The following NTRK3 variants were observed in gnomAD, a reference collection of about 807,000 sequenced individuals.
NTRK3 encodes neurotrophic receptor tyrosine kinase 3, also known as NT-3 growth factor receptor.
NTRK3 carries 24 observed loss-of-function variants against 91.7 expected under a neutral mutation model. That is an observed-to-expected ratio of 0.26 (90% CI 0.19 to 0.37). The LOEUF (loss-of-function observed/expected upper bound fraction) is 0.37, where lower values mean the gene tolerates loss of function less well. Among genes scored for constraint, NTRK3 ranks in the 10% least tolerant of loss-of-function variants. The pLI, the probability that NTRK3 is intolerant of heterozygous loss-of-function variation, is 1.00. For synonymous variants in NTRK3, 483 were observed against 404.0 expected, an observed-to-expected ratio of 1.20 and a Z score of -2.34; for missense variants, 880 against 1,068.9, an observed-to-expected ratio of 0.82 and a Z score of 2.46.
chr15:87,975,426 T>A (rs544598787), intron 14 of NTRK3, among the ~76,000 whole-genome samples: 7 of 152,144 alleles, frequency 4.6e-5, no homozygotes, highest in African/African-American at 1.7e-4. Context: ...TGCAGCAAAA[T>A]CCCGCAGGAT....
At chr15:88,192,844 G>C (rs1040466660) in intron 3 of NTRK3, among the ~76,000 whole-genome samples, 4 of 152,076 alleles carry the variant, frequency 2.6e-5, no homozygotes, top group African/African-American at 9.7e-5. Flanking sequence ...GGAGAAGCCT[G>C]CCCTGACCCC....
At chr15:88,246,358 G>T (rs767167296) in intron 3 of NTRK3, among the ~76,000 whole-genome samples, 1 of 152,178 alleles carries the variant, frequency 6.6e-6, no homozygotes, top group Admixed American at 6.5e-5. Context: ...AAGAGAAGGC[G>T]CCAAGCTCTC....
intron 13 of NTRK3, among the ~76,000 whole-genome samples, chr15:88,090,762 C>A (rs887343483): frequency 4.6e-5 from 7 of 152,178 alleles, no homozygotes; most frequent in Non-Finnish European, 1.0e-4. Flanking sequence ...CTTAATCTCA[C>A]CATATCCTTC....
chr15:87,983,812 A>C (rs561100476), intron 14 of NTRK3, among the ~76,000 whole-genome samples: 26 of 152,180 alleles, frequency 1.7e-4, no homozygotes, highest in African/African-American at 4.6e-4. Flanking sequence ...CAGGGCTCTC[A>C]CTCTGGCCAC....
At chr15:87,997,597 T>C (rs2075798258) in intron 14 of NTRK3, among the ~76,000 whole-genome samples, 1 of 152,210 alleles carries the variant, frequency 6.6e-6, no homozygotes, top group Non-Finnish European at 1.5e-5. Flanking sequence ...GCAGATCATA[T>C]ACTCTTATTC....
At chr15:88,094,475 CAAAAAAAAA>C (rs10610101) in intron 13 of NTRK3, among the ~76,000 whole-genome samples, 29 of 30,328 alleles carry the variant, frequency 9.6e-4, no homozygotes, top group African/African-American at 2.0e-3. Flanking sequence ...GACTCCGTCT[CAAAAAAAAA>C]AAAAAAAAAA....
chr15:87,979,939 G>A (rs554217944), intron 14 of NTRK3, among the ~76,000 whole-genome samples: 3 of 152,240 alleles, frequency 2.0e-5, no homozygotes, highest in Admixed American at 6.5e-5. Context: ...TCTAATTCTA[G>A]GAGCTAAAAT....
intron 13 of NTRK3, among the ~76,000 whole-genome samples, chr15:88,057,033 G>T (rs1486681370): frequency 6.6e-6 from 1 of 151,586 alleles, no homozygotes; most frequent in African/African-American, 2.4e-5. Context: ...GCCGGGCATG[G>T]TGGCGCGCGC....
intron 14 of NTRK3, among the ~76,000 whole-genome samples, chr15:88,002,450 A>G (rs2076178969): frequency 6.6e-6 from 1 of 152,096 alleles, no homozygotes; most frequent in Non-Finnish European, 1.5e-5. Flanking sequence ...TAAGATTGCT[A>G]GGAACTACAG....
intron 17 of NTRK3, among the ~76,000 whole-genome samples, chr15:87,887,867 C>G (rs1435666847): frequency 3.3e-5 from 5 of 152,164 alleles, no homozygotes; most frequent in Non-Finnish European, 7.3e-5. Context: ...ATAGAAGCCT[C>G]TATCATCCCC....
rs140416223 is a variant in NTRK3 at position 88,237,825 on chromosome 15, C to A, written c.248+18081G>T. Among the ~76,000 whole-genome samples the A allele has an allele frequency of 5.1e-3, 773 of 152,218 alleles. 8 individuals carry two copies. Among genetic ancestry groups the A allele is most frequent in the African/African-American group, 0.018 (733 of 41,540 alleles). On this transcript the variant is annotated intron_variant, in intron 3 of 18. Transcript: ENST00000394480. This position sits in a 1 kb window ranked among gnomAD's most constrained non-coding sequence, Gnocchi z 4.0. ...CCACAGAATTCTGCACTCAGAAAAT[C>A]TAAAAATGGTGCTTTAAATTTCATC...
chr15:88,154,020 A>G (rs1389794114), intron 5 of NTRK3, among the ~76,000 whole-genome samples: 1 of 151,912 alleles, frequency 6.6e-6, no homozygotes, highest in East Asian at 1.9e-4. Flanking sequence ...AGAATCTGCA[A>G]GAAAAGAGTG....
At chr15:88,085,623 A>T (rs2048430706) in intron 13 of NTRK3, among the ~76,000 whole-genome samples, 1 of 152,140 alleles carries the variant, frequency 6.6e-6, no homozygotes, top group Admixed American at 6.5e-5. Flanking sequence ...GAAAAGACTG[A>T]GTGGGGGGTG....
intron 9 of NTRK3, 48 bp from the exon 10 acceptor site, chr15:88,135,445 C>G: frequency 6.3e-7 from 1 of 1,594,652 alleles, no homozygotes; most frequent in Non-Finnish European, 8.5e-7. Flanking sequence ...AGTCTACCAC[C>G]TCCTGCAGTA....
chr15:87,867,298 A>T (rs965024114), exon 19 of NTRK3: 1 of 226,996 alleles, frequency 4.4e-6, no homozygotes. Flanking sequence ...GAGATGAGCC[A>T]ATAGGGCTTT....
In NTRK3 at chr15:87,970,467, C is replaced by T. The variant is rs371704793; in HGVS notation, c.1586-29714G>A. On this transcript the variant is annotated intron_variant, in intron 14 of 18. Coordinates refer to ENST00000394480, the Ensembl canonical transcript of NTRK3. ...ATAAGAAGTGGGTGGTTGACGAACA[C>T]ATCCTGCTTGATTCTTCTTTAAAAG... Among the ~76,000 whole-genome samples, 91 of 152,300 alleles carry T rather than the reference C, an allele frequency of 6.0e-4. 1 individual carries two copies. Among genetic ancestry groups the T allele is most frequent in the African/African-American group, 1.8e-3 (76 of 41,582 alleles).
chr15:88,140,196 G>C (rs141658364), intron 6 of NTRK3, among the ~76,000 whole-genome samples: 2 of 152,274 alleles, frequency 1.3e-5, no homozygotes, highest in East Asian at 3.9e-4. Context: ...TCTGTAAAAA[G>C]AGAAATCCAA....
intron 5 of NTRK3, among the ~76,000 whole-genome samples, chr15:88,162,199 A>G (rs2044523165): frequency 6.6e-6 from 1 of 152,210 alleles, no homozygotes; most frequent in Admixed American, 6.5e-5. Flanking sequence ...TTACTCAGCC[A>G]CACATTTTAG....
intron 17 of NTRK3, among the ~76,000 whole-genome samples, chr15:87,921,975 T>C (rs191807907): frequency 1.3e-5 from 2 of 152,228 alleles, no homozygotes; most frequent in East Asian, 3.9e-4. Context: ...TTCATCTGCC[T>C]GGCTTCTCAG....
Sources: allele counts gnomAD v4.1 joint callset (sites outside exome capture counted in the v4.1 genomes callset), GRCh38; gene constraint gnomAD v4.1.1; non-coding constraint Gnocchi (gnomAD v3.1); transcripts MANE v1.5; gene names NCBI Gene and HGNC (gene_info 2026-07-23, HGNC 2026-07-21).